Variants in PCDHGA1 observed in about 807,000 individuals in gnomAD.
PCDHGA1 encodes the protein protocadherin gamma-A1.
PCDHGA1 carries 32 observed loss-of-function variants against 58.0 expected under a neutral mutation model. The observed-to-expected ratio is 0.55, with a 90% CI of 0.42 to 0.74. The LOEUF (loss-of-function observed/expected upper bound fraction) is 0.74. Ranked by LOEUF, PCDHGA1 falls within the 30% of genes least tolerant of loss-of-function variation. The probability of loss-of-function intolerance (pLI) is 0.00; values close to 1 mark genes in which losing one functional copy is unlikely to be tolerated. For missense variants in PCDHGA1, 1,205 were observed against 1,182.3 expected (o/e 1.02, Z -0.28); for synonymous variants, 498 against 501.1 (o/e 0.99, Z 0.08).
chr5:141,415,966 C>G, intron 1 of PCDHGA1: 1 of 405,604 alleles, frequency 2.5e-6, no homozygotes, highest in Non-Finnish European at 4.0e-6. Flanking sequence ...AAACTCCAGC[C>G]CCTTAAGCAA....
chr5:141,500,271 C>T (rs936454651), intron 2 of PCDHGA1, among the ~76,000 whole-genome samples: 3 of 151,598 alleles, frequency 2.0e-5, no homozygotes, highest in African/African-American at 7.3e-5. Flanking sequence ...TGCAGTGGCG[C>T]AATCTCGGCT....
intron 1 of PCDHGA1, among the ~76,000 whole-genome samples, chr5:141,401,385 T>A (rs965055223): frequency 6.6e-6 from 1 of 152,182 alleles, no homozygotes; most frequent in Non-Finnish European, 1.5e-5. Flanking sequence ...AGAAAAATAC[T>A]ACATGTTATG....
intron 1 of PCDHGA1, chr5:141,357,799 A>G: frequency 1.3e-6 from 1 of 798,378 alleles, no homozygotes; most frequent in Non-Finnish European, 1.9e-6. Context: ...CCACACAAAA[A>G]TGTTGTTTAT....
At chr5:141,482,458 C>T (rs986628162) in intron 1 of PCDHGA1, among the ~76,000 whole-genome samples, 1 of 147,624 alleles carries the variant, frequency 6.8e-6, no homozygotes, top group Non-Finnish European at 1.5e-5. Context: ...ATTAGCATCC[C>T]TATGTGCCAG....
intron 1 of PCDHGA1, chr5:141,399,237 A>G: frequency 6.2e-7 from 1 of 1,614,002 alleles, no homozygotes; most frequent in South Asian, 1.1e-5. Context: ...TACATGACCA[A>G]GATTCTGGGG....
chr5:141,413,050 G>C (rs868475186), intron 1 of PCDHGA1: 5 of 939,920 alleles, frequency 5.3e-6, no homozygotes, highest in Middle Eastern at 3.3e-4. Flanking sequence ...CTGCAGGGAA[G>C]CTCACTCCAG....
chr5:141,506,471 C>T (rs2099854191), intron 3 of PCDHGA1, among the ~76,000 whole-genome samples: 2 of 148,834 alleles, frequency 1.3e-5, no homozygotes, highest in African/African-American at 5.0e-5. Flanking sequence ...AAAAAGAGCA[C>T]AGGCTTTAGA....
Position 141,486,886 on chromosome 5 carries a change from G to A in PCDHGA1, c.2422-7921G>A. The A allele has an allele frequency of 1.9e-6, 3 of 1,614,222 alleles. No individual in the cohort carries two copies. The highest frequency in any genetic ancestry group is 2.5e-6 in the Non-Finnish European group (3 of 1,180,044). ...CAGCTGTGCTCCGTCCTCGGGCCCGGCCTGGTTCCTTATGTCCCCAAGCAC... is the reference window on the plus strand; with the variant it reads ...CAGCTGTGCTCCGTCCTCGGGCCCGACCTGGTTCCTTATGTCCCCAAGCAC... On this transcript the variant is annotated intron_variant, in intron 1 of 3. Coordinates refer to ENST00000517417, the MANE Select transcript of PCDHGA1 (RefSeq NM_018912.3). This position sits in a 1 kb window ranked among gnomAD's most constrained non-coding sequence, Gnocchi z 5.0.
At chr5:141,456,949 C>A (rs1277351419) in intron 1 of PCDHGA1, among the ~76,000 whole-genome samples, 2 of 152,080 alleles carry the variant, frequency 1.3e-5, no homozygotes, top group East Asian at 3.9e-4. Flanking sequence ...GGCAACAGAG[C>A]AAAACTCCAT....
In PCDHGA1 at chr5:141,433,837, CA is replaced by C. The variant is rs56191208; in HGVS notation, c.2422-60952del. ...GGGCAACAAGAGTGAAACTCTATCT[CA>C]AAAAAAAAAAAAAAAAACTTTATCC... On this transcript the variant is annotated intron_variant, in intron 1 of 3. Coordinates refer to ENST00000517417, the MANE Select transcript of PCDHGA1 (RefSeq NM_018912.3). Among the ~76,000 whole-genome samples, 895 of 111,670 alleles carry C rather than the reference CA, an allele frequency of 8.0e-3. 6 individuals carry two copies. Among genetic ancestry groups the C allele is most frequent in the South Asian group, 0.02 (67 of 3,288 alleles). The allele number at this position is 111,670 out of a possible 152,430, so 73.3% of individuals were successfully genotyped here. A position where few individuals can be genotyped will look rare whatever the true frequency, so the allele number is the denominator to read the frequency against.
chr5:141,384,002 T>C, intron 1 of PCDHGA1: 1 of 1,613,878 alleles, frequency 6.2e-7, no homozygotes, highest in South Asian at 1.1e-5. Flanking sequence ...GTCATTGCTC[T>C]TTTCTACCTA....
chr5:141,494,142 A>AAGACAACT (rs2099752181), intron 1 of PCDHGA1, among the ~76,000 whole-genome samples: 5 of 152,090 alleles, frequency 3.3e-5, no homozygotes, highest in Admixed American at 6.5e-5. Context: ...TTAGTCACAG[A>AAGACAACT]CCATTGTCTG....
At chr5:141,350,586 A>T in intron 1 of PCDHGA1, 1 of 1,614,018 alleles carries the variant, frequency 6.2e-7, no homozygotes, top group South Asian at 1.1e-5. Flanking sequence ...GTCGCTGAAA[A>T]CCCAATGAAT....
intron 1 of PCDHGA1, chr5:141,377,949 A>G (rs1774488021): frequency 6.6e-6 from 1 of 152,208 alleles, no homozygotes; most frequent in Non-Finnish European, 1.5e-5. Context: ...TAGAGTGTGT[A>G]TCCAGGGCAA....
intron 1 of PCDHGA1, chr5:141,398,353 A>G: frequency 2.9e-6 from 4 of 1,397,978 alleles, no homozygotes; most frequent in Non-Finnish European, 4.0e-6. Flanking sequence ...GCCTTACTTC[A>G]CCGTGAGCGC....
chr5:141,448,135 TA>T (rs2098567569), intron 1 of PCDHGA1, among the ~76,000 whole-genome samples: 1 of 151,880 alleles, frequency 6.6e-6, no homozygotes, highest in South Asian at 2.1e-4. Flanking sequence ...CCACCCTCAC[TA>T]TACCTCAGAC....
chr5:141,390,366 A>G, intron 1 of PCDHGA1: 1 of 1,524,656 alleles, frequency 6.6e-7, no homozygotes, highest in Non-Finnish European at 8.9e-7. Flanking sequence ...TTGCAGGAAA[A>G]TATATAATTT....
intron 1 of PCDHGA1, chr5:141,351,855 A>C (rs760608746): frequency 6.2e-7 from 1 of 1,613,236 alleles, no homozygotes; most frequent in South Asian, 1.1e-5. Context: ...CAGGCCAGGG[A>C]CCAGGGCTCC....
intron 1 of PCDHGA1, chr5:141,419,997 T>C: frequency 2.5e-6 from 4 of 1,614,088 alleles, no homozygotes; most frequent in Non-Finnish European, 3.4e-6. Flanking sequence ...GCTATTGCTC[T>C]ACGCCTGCGA....
Sources: gnomAD v4.1 joint callset for allele counts (sites outside exome capture counted in the v4.1 genomes callset) on GRCh38, gnomAD v4.1.1 for gene constraint, Gnocchi (gnomAD v3.1) non-coding constraint, MANE v1.5 for transcripts, NCBI Gene and HGNC (gene_info 2026-07-23, HGNC 2026-07-21) for gene names.